Variants in MAOB observed in about 807,000 individuals in gnomAD.
MAOB encodes the protein monoamine oxidase B, also known as amine oxidase [flavin-containing] B.
In MAOB, 15 loss-of-function variants were observed where a neutral mutation model predicts 41.9. The ratio of observed to expected loss-of-function variants is 0.36; its 90% CI spans 0.24 to 0.55. MAOB has a LOEUF of 0.55. Ranked by LOEUF, MAOB falls within the 20% of genes least tolerant of loss-of-function variation. The pLI, the probability that MAOB is intolerant of heterozygous loss-of-function variation, is 0.86. For missense variants in MAOB, 345 were observed against 398.7 expected (o/e 0.87, Z 1.15); for synonymous variants, 167 against 144.2 (o/e 1.16, Z -1.13).
chrX:43,775,055 GT>G (rs373072993), intron 12 of MAOB, 119 bp downstream of exon 12: 98,699 of 551,489 alleles, frequency 0.18, 322 homozygotes, highest in South Asian at 0.19. Flanking sequence ...AAATTGGGTT[GT>G]TTTTTTTTTT....
intron 3 of MAOB, among the ~76,000 whole-genome samples, chrX:43,831,029 G>A (rs1373232662): frequency 4.7e-5 from 5 of 106,778 alleles, no homozygotes; most frequent in Non-Finnish European, 9.6e-5. Context: ...GTGTGTGTGT[G>A]TGTATGTGTC....
intron 3 of MAOB, among the ~76,000 whole-genome samples, chrX:43,834,660 T>C (rs1226628560): frequency 1.8e-5 from 2 of 111,936 alleles, no homozygotes; most frequent in African/African-American, 3.2e-5. Context: ...TTGTGCCAAA[T>C]GCCTCCTCCT....
intron 1 of MAOB, among the ~76,000 whole-genome samples, chrX:43,880,099 T>C (rs2035464008): frequency 8.9e-6 from 1 of 112,280 alleles, no homozygotes; most frequent in African/African-American, 3.2e-5. Context: ...AGAGTAGTAA[T>C]TATTCTTGAC....
At chrX:43,808,891 G>C (rs1222326681) in intron 3 of MAOB, among the ~76,000 whole-genome samples, 1 of 110,330 alleles carries the variant, frequency 9.1e-6, no homozygotes, top group Non-Finnish European at 1.9e-5. Flanking sequence ...TTTTAGTAGA[G>C]ACGTGGTTTC....
intron 8 of MAOB, among the ~76,000 whole-genome samples, chrX:43,791,008 A>T (rs941955580): frequency 8.9e-6 from 1 of 111,855 alleles, no homozygotes; most frequent in Non-Finnish European, 1.9e-5. Flanking sequence ...CCAGTCATTT[A>T]AAATGGGTGG....
chrX:43,861,579 C>T (rs1192812131), intron 1 of MAOB, among the ~76,000 whole-genome samples: 1 of 111,779 alleles, frequency 8.9e-6, no homozygotes, highest in Non-Finnish European at 1.9e-5. Context: ...TTATCTGCCT[C>T]ATGTCTAAAA....
intron 11 of MAOB, among the ~76,000 whole-genome samples, chrX:43,777,326 T>G (rs2034272491): frequency 9.0e-6 from 1 of 111,531 alleles, no homozygotes; most frequent in Non-Finnish European, 1.9e-5. Context: ...GATACTTTAC[T>G]CAATATCCTT....
chrX:43,767,343 A>C lies in MAOB; in HGVS notation c.*123T>G. 1 of 683,728 alleles carries C rather than the reference A, an allele frequency of 1.5e-6. No individual in the cohort carries two copies. Among genetic ancestry groups the C allele is most frequent in the Non-Finnish European group, 2.1e-6 (1 of 470,898 alleles). 56.3% of individuals were successfully genotyped at this position (683,728 alleles called of 1,213,427 possible). A position where few individuals can be genotyped will look rare whatever the true frequency, so the allele number is the denominator to read the frequency against. On this transcript the variant is annotated 3_prime_UTR_variant, in exon 15 of 15. Coordinates refer to ENST00000378069, the MANE Select transcript of MAOB (RefSeq NM_000898.5). ...GTATTTTACAGTCAGAGTTGGATTT[A>C]TCTTCATGCTCCCCGCCTCACTCCA...
At chrX:43,819,733 G>C (rs956930581) in intron 3 of MAOB, among the ~76,000 whole-genome samples, 3 of 111,770 alleles carry the variant, frequency 2.7e-5, no homozygotes, top group Non-Finnish European at 3.8e-5. Context: ...GACCTCATTT[G>C]AGAATTGAGG....
chrX:43,768,895 A>G (rs768812878), intron 13 of MAOB, among the ~76,000 whole-genome samples, 179 bp from the exon 14 acceptor site: 1 of 112,015 alleles, frequency 8.9e-6, no homozygotes, highest in East Asian at 2.8e-4. Flanking sequence ...GTGGTATAAG[A>G]GGTTCCAATC....
At chrX:43,790,255 G>A (rs770243659) in intron 8 of MAOB, among the ~76,000 whole-genome samples, 10 of 112,364 alleles carry the variant, frequency 8.9e-5, no homozygotes, top group Non-Finnish European at 1.5e-4. Flanking sequence ...TGTTATAAGA[G>A]TGAACTTCTT....
chrX:43,857,248 T>G (rs932764978), intron 1 of MAOB, among the ~76,000 whole-genome samples: 1 of 101,706 alleles, frequency 9.8e-6, no homozygotes, highest in South Asian at 5.0e-4. Flanking sequence ...TGGCGCAATC[T>G]CAGCTCACCG....
chrX:43,772,743 T>C (rs1452277290), intron 12 of MAOB, among the ~76,000 whole-genome samples: 1 of 110,698 alleles, frequency 9.0e-6, no homozygotes, highest in Admixed American at 9.6e-5. Context: ...TGGTGGGAGG[T>C]GTTTGGATCA....
chrX:43,775,726 A>G (rs767805163), intron 11 of MAOB, among the ~76,000 whole-genome samples: 4 of 112,017 alleles, frequency 3.6e-5, no homozygotes, highest in Non-Finnish European at 5.6e-5. Flanking sequence ...AGGGAGGCTG[A>G]ACAAACATGT....
intron 3 of MAOB, among the ~76,000 whole-genome samples, chrX:43,815,744 C>T (rs1009103027): frequency 9.8e-5 from 11 of 111,802 alleles, no homozygotes; most frequent in African/African-American, 3.6e-4. Flanking sequence ...AAGAAGCCAC[C>T]AGAACTCTCA....
intron 3 of MAOB, among the ~76,000 whole-genome samples, chrX:43,811,345 C>T (rs935489063): frequency 3.6e-5 from 4 of 111,455 alleles, no homozygotes; most frequent in Non-Finnish European, 1.9e-5. Flanking sequence ...CCTGGTCCTT[C>T]TCAGATTCAG....
In MAOB at chrX:43,834,825, G is replaced by A. The variant is rs182727107; in HGVS notation, c.279+4043C>T. 9.0e-4 allele frequency among the ~76,000 whole-genome samples: 101 copies of A among 112,624 alleles called. 4 individuals are homozygous for A. In the East Asian group the frequency reaches 0.01, roughly 11 times the overall value. The stretch of plus-strand genomic sequence containing the variant: ...CAATAAGCTTTGTTTCTGCCCACTG[G>A]GAAGTAGGTTAAGACCAAAAAGTCC... On this transcript the variant is annotated intron_variant, in intron 3 of 14. Coordinates refer to ENST00000378069, the MANE Select transcript of MAOB (RefSeq NM_000898.5).
At chrX:43,774,744 CTT>C (rs776950417) in intron 12 of MAOB, among the ~76,000 whole-genome samples, 1 of 111,888 alleles carries the variant, frequency 8.9e-6, no homozygotes, top group South Asian at 3.7e-4. Context: ...TATAAGGACA[CTT>C]CTTCTGACAT....
At chrX:43,796,311 C>T (rs1359478953) in intron 6 of MAOB, among the ~76,000 whole-genome samples, 1 of 111,415 alleles carries the variant, frequency 9.0e-6, no homozygotes, top group Non-Finnish European at 1.9e-5. Context: ...ACTTCCCTGC[C>T]TCCCACCATG....
Sources: allele counts gnomAD v4.1 joint callset (sites outside exome capture counted in the v4.1 genomes callset), GRCh38; gene constraint gnomAD v4.1.1; transcripts MANE v1.5; gene names NCBI Gene and HGNC (gene_info 2026-07-23, HGNC 2026-07-21).